Variants in PARD3B observed in about 807,000 individuals in gnomAD.
PARD3B encodes the protein par-3 family cell polarity regulator beta.
Under a neutral mutation model 130.2 loss-of-function variants are expected in PARD3B, and 103 were observed. The observed-to-expected ratio is 0.79, with a 90% CI of 0.67 to 0.93. PARD3B has a LOEUF of 0.93. Ranked by LOEUF, PARD3B falls within the 40% of genes least tolerant of loss-of-function variation. The probability of loss-of-function intolerance (pLI) is 0.00; values close to 1 mark genes in which losing one functional copy is unlikely to be tolerated. For missense variants in PARD3B, 1,609 were observed against 1,499.2 expected (o/e 1.07, Z -1.21); for synonymous variants, 583 against 553.2 (o/e 1.05, Z -0.76).
intron 2 of PARD3B, among the ~76,000 whole-genome samples, chr2:204,885,344 G>T (rs1374179102): frequency 2.0e-5 from 3 of 151,980 alleles, no homozygotes; most frequent in Non-Finnish European, 4.4e-5. Flanking sequence ...TTGTAAATTT[G>T]TTTAAGTTCC....
chr2:205,534,937 A>G (rs2051774909), intron 21 of PARD3B, among the ~76,000 whole-genome samples: 1 of 152,288 alleles, frequency 6.6e-6, no homozygotes. Flanking sequence ...ATGGCCAATT[A>G]TTTCATTCCA....
At chr2:205,444,571 G>T (rs994530005) in intron 20 of PARD3B, among the ~76,000 whole-genome samples, 1 of 152,178 alleles carries the variant, frequency 6.6e-6, no homozygotes, top group South Asian at 2.1e-4. Flanking sequence ...CAATCCCGTA[G>T]ACAATGGGAG....
At chr2:205,013,777 C>T (rs1695909358) in intron 3 of PARD3B, among the ~76,000 whole-genome samples, 1 of 152,172 alleles carries the variant, frequency 6.6e-6, no homozygotes, top group Admixed American at 6.5e-5. Context: ...AAATGAGCAA[C>T]TGTGGCGGGT....
chr2:205,002,506 T>G (rs1316644776), intron 3 of PARD3B, among the ~76,000 whole-genome samples: 1 of 152,174 alleles, frequency 6.6e-6, no homozygotes, highest in Non-Finnish European at 1.5e-5. Context: ...GTCATCCTTG[T>G]CTCCTCTCTG....
In PARD3B at chr2:204,612,095, G is replaced by C. The variant is rs540732982; in HGVS notation, c.120+65976G>C. ...TTGAAATATGAGATCTTCTTGATCTGTCTTCTGTTTCTTATTTATAGGAGT... is the reference window on the plus strand; with the variant it reads ...TTGAAATATGAGATCTTCTTGATCTCTCTTCTGTTTCTTATTTATAGGAGT... On this transcript the variant is annotated intron_variant, in intron 1 of 22. Coordinates refer to ENST00000406610, the MANE Select transcript of PARD3B (RefSeq NM_001302769.2). Among the ~76,000 whole-genome samples the C allele has an allele frequency of 3.3e-5, 5 of 152,292 alleles. No individual in the cohort carries two copies. The South Asian group carries it at 1.0e-3, about 32-fold the overall frequency.
intron 21 of PARD3B, among the ~76,000 whole-genome samples, chr2:205,505,703 C>T (rs2050334030): frequency 1.3e-5 from 2 of 152,256 alleles, no homozygotes; most frequent in East Asian, 3.9e-4. Context: ...CCTCTGACAA[C>T]GGGCTGCTTT....
chr2:205,438,512 T>G (rs1182286472), intron 19 of PARD3B, among the ~76,000 whole-genome samples: 2 of 152,220 alleles, frequency 1.3e-5, no homozygotes, highest in East Asian at 1.9e-4. Context: ...ATTGATGTCC[T>G]TTGCTCTATT....
rs1265159274 is a variant in PARD3B at position 205,091,357 on chromosome 2, G to A, written c.505-13069G>A. Among the ~76,000 whole-genome samples, 1 of 152,100 alleles carries A rather than the reference G, an allele frequency of 6.6e-6. No homozygotes were observed. On this transcript the variant is annotated intron_variant, in intron 4 of 22. Coordinates refer to ENST00000406610, the MANE Select transcript of PARD3B (RefSeq NM_001302769.2). This position sits in a 1 kb window ranked among gnomAD's most constrained non-coding sequence, Gnocchi z 4.2. ...TTACACTGGGAGGTTTGTATGTGGA[G>A]TGATGTATTTTCAAAGAGGCTCCAG... is the stretch of plus-strand genomic sequence containing the variant.
rs945089301 is a variant in PARD3B at position 204,689,628 on chromosome 2, A to G, written c.222+3346A>G. On this transcript the variant is annotated intron_variant, in intron 2 of 22. Coordinates refer to ENST00000406610, the MANE Select transcript of PARD3B (RefSeq NM_001302769.2). The surrounding 1 kb of genome is among the most constrained non-coding windows in gnomAD (Gnocchi z 5.2). Reference sequence around the variant, plus strand: ...ACAACCTAATCATTGATGACTAGCAATGGCCCAGAATGTCTTTGGCCCTTA... The same window carrying G: ...ACAACCTAATCATTGATGACTAGCAGTGGCCCAGAATGTCTTTGGCCCTTA... Among the ~76,000 whole-genome samples, 5 of 152,146 alleles carry G rather than the reference A, an allele frequency of 3.3e-5. No homozygotes were observed. The highest frequency in any genetic ancestry group is 1.2e-4 in the African/African-American group (5 of 41,446).
At chr2:205,392,426 AG>A (rs1004402372) in intron 18 of PARD3B, among the ~76,000 whole-genome samples, 2 of 152,192 alleles carry the variant, frequency 1.3e-5, no homozygotes, top group African/African-American at 2.4e-5. Context: ...GGCCTTAAAG[AG>A]GGTAGCAGAC....
At chr2:205,056,198 G>T (rs926488409) in intron 4 of PARD3B, among the ~76,000 whole-genome samples, 1 of 151,552 alleles carries the variant, frequency 6.6e-6, no homozygotes, top group African/African-American at 2.4e-5. Flanking sequence ...ACTCTCTTAC[G>T]ATAGGGGACG....
rs768931058 is a variant in PARD3B at position 205,113,525 on chromosome 2, G to A, written c.628G>A (p.Gly210Arg). Residue 210 changes from glycine (G) to arginine (R), a missense_variant, in exon 6 of 23, where the codon GGA (glycine) becomes AGA (arginine). Transcript: ENST00000406610. Reference sequence around the variant, plus strand: ...AAGAACAGTGGAGATTTCTGGGGAAGGAGGCCCATTGGGAATACATGTAGT... The same window carrying A: ...AAGAACAGTGGAGATTTCTGGGGAAAGAGGCCCATTGGGAATACATGTAGT... ...MTRTVEISGE[G>R]GPLGIHVVPF... 4 of 1,613,392 alleles carry A rather than the reference G, an allele frequency of 2.5e-6. 1 individual carries two copies. The South Asian group carries it at 4.4e-5, about 18-fold the overall frequency.
Position 205,122,035 on chromosome 2 carries a change from A to G in PARD3B, c.1165+86A>G. ...GAAATGCATTAAGGCTAATTTAGTT[A>G]ATTCTCCCTTCATTTAATTGTATCA... On this transcript the variant is annotated intron_variant, in intron 8 of 22. Coordinates refer to ENST00000406610, the MANE Select transcript of PARD3B (RefSeq NM_001302769.2). The surrounding 1 kb of genome is among the most constrained non-coding windows in gnomAD (Gnocchi z 4.3). The G allele has an allele frequency of 8.8e-7, 1 of 1,138,048 alleles. No individual in the cohort carries two copies. Among genetic ancestry groups the G allele is most frequent in the South Asian group, 1.6e-5 (1 of 63,270 alleles). 70.5% of individuals were successfully genotyped at this position (1,138,048 alleles called of 1,614,324 possible).
At chr2:205,193,934 A>G (rs1000728281) in intron 15 of PARD3B, among the ~76,000 whole-genome samples, 36 of 152,188 alleles carry the variant, frequency 2.4e-4, no homozygotes, top group African/African-American at 8.2e-4. Flanking sequence ...TCTGAGCACC[A>G]TGGGGAACTT....
chr2:205,234,638 C>T (rs1264939245), intron 15 of PARD3B, among the ~76,000 whole-genome samples: 1 of 151,816 alleles, frequency 6.6e-6, no homozygotes, highest in African/African-American at 2.4e-5. Context: ...ACAAGTATAC[C>T]AAAAAATCAA....
At chr2:205,578,543 T>C (rs2053848533) in intron 22 of PARD3B, among the ~76,000 whole-genome samples, 1 of 152,084 alleles carries the variant, frequency 6.6e-6, no homozygotes, top group Non-Finnish European at 1.5e-5. Flanking sequence ...GAAACATAAA[T>C]AAAACATGTA....
chr2:204,586,072 G>A (rs1268462241), intron 1 of PARD3B, among the ~76,000 whole-genome samples: 1 of 152,232 alleles, frequency 6.6e-6, no homozygotes, highest in Non-Finnish European at 1.5e-5. Flanking sequence ...TTGCCAGCCT[G>A]CTGTTATAAC....
At chr2:204,723,969 T>C (rs185078905) in intron 2 of PARD3B, among the ~76,000 whole-genome samples, 64 of 152,296 alleles carry the variant, frequency 4.2e-4, no homozygotes, top group Middle Eastern at 3.4e-3. Flanking sequence ...CTTATACACC[T>C]TCTGGGCATA....
chr2:204,698,683 G>T (rs948788544), intron 2 of PARD3B, among the ~76,000 whole-genome samples: 5 of 152,118 alleles, frequency 3.3e-5, no homozygotes, highest in South Asian at 4.2e-4. Context: ...TAGTGACTGG[G>T]AAATCAGAAG....
Sources: gnomAD v4.1 joint callset for allele counts (sites outside exome capture counted in the v4.1 genomes callset) on GRCh38, gnomAD v4.1.1 for gene constraint, Gnocchi (gnomAD v3.1) non-coding constraint, MANE v1.5 for transcripts, NCBI Gene and HGNC (gene_info 2026-07-23, HGNC 2026-07-21) for gene names.